TM4SF4: variants seen among roughly 807,000 people sequenced by gnomAD.
TM4SF4 encodes the protein transmembrane 4 L6 family member 4.
Under a neutral mutation model 24.1 loss-of-function variants are expected in TM4SF4, and 24 were observed. The ratio of observed to expected loss-of-function variants is 1.00; its 90% CI spans 0.72 to 1.40. The LOEUF is 1.40. TM4SF4 is among the 40% of genes most tolerant of loss of function. TM4SF4 has a pLI of 0.00. For synonymous variants in TM4SF4, 113 were observed against 97.0 expected, an observed-to-expected ratio of 1.17 and a Z score of -0.97; for missense variants, 254 against 254.2, an observed-to-expected ratio of 1.00 and a Z score of 0.01.
intron 3 of TM4SF4, among the ~76,000 whole-genome samples, chr3:149,489,503 C>T (rs1734175415): frequency 6.6e-6 from 1 of 152,182 alleles, no homozygotes; most frequent in Admixed American, 6.5e-5. Context: ...CATACAATGG[C>T]CTCACATGTT....
Position 149,490,106 on chromosome 3 carries a change from A to T in TM4SF4, c.401+2351A>T, listed in dbSNP as rs545469404. Among the ~76,000 whole-genome samples the T allele has an allele frequency of 7.2e-5, 11 of 152,368 alleles. No homozygotes were observed. The East Asian group carries it at 1.9e-3, about 27-fold the overall frequency. On this transcript the variant is annotated intron_variant, in intron 3 of 4. Coordinates refer to ENST00000305354, the MANE Select transcript of TM4SF4 (RefSeq NM_004617.4). ...TTTAATTTAATCCCTTGTAAGATGT[A>T]AGACTGCTCTTTGTGCAAGGTATAA...
intron 3 of TM4SF4, among the ~76,000 whole-genome samples, chr3:149,491,295 C>CAA (rs34935957): frequency 5.6e-5 from 7 of 125,718 alleles, no homozygotes; most frequent in African/African-American, 1.6e-4. Context: ...CGCCCCTCTA[C>CAA]AAAAAAAAAA....
intron 2 of TM4SF4, 67 bp downstream of exon 2, chr3:149,475,979 C>T (rs555810341): frequency 8.0e-6 from 11 of 1,378,146 alleles, no homozygotes; most frequent in Middle Eastern, 1.8e-4. Context: ...TGCTGGGCAG[C>T]ATGGGGATGG....
intron 3 of TM4SF4, among the ~76,000 whole-genome samples, chr3:149,490,513 A>C (rs1293407741): frequency 6.6e-6 from 1 of 152,184 alleles, no homozygotes; most frequent in Non-Finnish European, 1.5e-5. Flanking sequence ...TGCCAAGAGG[A>C]ATACAGTTTC....
rs59123868 is a variant in TM4SF4, at chr3:149,501,046, G to GAGAA, written c.592-1616_592-1613dup. ...CAAAAAAAAAAAAAAAAGAGAGAGA[G>GAGAA]AGAAAGAAAGAAAGAAAATATGATT... On this transcript the variant is annotated intron_variant, in intron 4 of 4. Transcript: ENST00000305354. Among the ~76,000 whole-genome samples, 49 of 147,502 alleles carry GAGAA rather than the reference G, an allele frequency of 3.3e-4. No homozygotes were observed. In the East Asian group the frequency reaches 4.0e-3, roughly 12 times the overall value.
chr3:149,475,090 T>TC (rs968063133), intron 1 of TM4SF4, 39 bp downstream of exon 1: 2 of 1,579,818 alleles, frequency 1.3e-6, no homozygotes, highest in Non-Finnish European at 1.7e-6. Flanking sequence ...AGGGAGATTT[T>TC]CCCTTCCCCA....
chr3:149,474,874 C>T lies in TM4SF4; in HGVS notation c.-4C>T. 6.2e-7 allele frequency: 1 copy of T among 1,610,928 alleles called. No individual in the cohort carries two copies. Among genetic ancestry groups the T allele is most frequent in the Non-Finnish European group, 8.5e-7 (1 of 1,178,792 alleles). ...ATTGCTGACCTGTGTCGTACCACCC[C>T]AGAATGTGCACTGGGGGCTGTGCCA... is the stretch of plus-strand genomic sequence containing the variant. On this transcript the variant is annotated 5_prime_UTR_variant, in exon 1 of 5. Coordinates refer to ENST00000305354, the MANE Select transcript of TM4SF4 (RefSeq NM_004617.4).
intron 1 of TM4SF4, 35 bp from the exon 2 acceptor site, chr3:149,475,788 C>T (rs1327191134): frequency 1.9e-6 from 3 of 1,569,152 alleles, no homozygotes; most frequent in Admixed American, 3.7e-5. Flanking sequence ...CCTTCAACTC[C>T]TGGACTCTCT....
chr3:149,498,991 G>A, intron 4 of TM4SF4, 80 bp downstream of exon 4: 1 of 1,476,044 alleles, frequency 6.8e-7, no homozygotes, highest in South Asian at 1.2e-5. Context: ...GCCAGGTCAG[G>A]CCACCAGCAC....
At chr3:149,494,163 C>T (rs533959137) in intron 3 of TM4SF4, among the ~76,000 whole-genome samples, 49 of 152,288 alleles carry the variant, frequency 3.2e-4, no homozygotes, top group Non-Finnish European at 6.5e-4. Flanking sequence ...TCAAACTGAA[C>T]GTGAACACAG....
At chr3:149,493,030 A>G (rs1179399899) in intron 3 of TM4SF4, among the ~76,000 whole-genome samples, 1 of 152,252 alleles carries the variant, frequency 6.6e-6, no homozygotes, top group Non-Finnish European at 1.5e-5. Flanking sequence ...AGTAACAGCA[A>G]CATCCACCTC....
chr3:149,474,950 A>G lies in TM4SF4; in HGVS notation c.73A>G (p.Asn25Asp). The G allele has an allele frequency of 6.2e-7, 1 of 1,613,908 alleles. No homozygotes were observed. Among genetic ancestry groups the G allele is most frequent in the Non-Finnish European group, 8.5e-7 (1 of 1,179,874 alleles). Residue 25 changes from asparagine (N) to aspartate (D), a missense_variant, in exon 1 of 5, where the codon AAC (asparagine) becomes GAC (aspartate). Coordinates refer to ENST00000305354, the MANE Select transcript of TM4SF4 (RefSeq NM_004617.4). ...IPLAFFGFLANILLFFPGGKV... is the reference protein window; with the variant it reads ...IPLAFFGFLADILLFFPGGKV... ...CCTTGCTTTTTTTGGCTTCCTGGCT[A>G]ACATCCTGTTATTTTTTCCTGGAGG...
At chr3:149,497,699 C>T (rs1471314556) in intron 3 of TM4SF4, among the ~76,000 whole-genome samples, 1 of 152,004 alleles carries the variant, frequency 6.6e-6, no homozygotes, top group African/African-American at 2.4e-5. Context: ...GGCTGGAGTG[C>T]AATGGCATGA....
At chr3:149,501,472 T>A (rs1441800711) in intron 4 of TM4SF4, among the ~76,000 whole-genome samples, 2 of 152,208 alleles carry the variant, frequency 1.3e-5, no homozygotes, top group Admixed American at 6.5e-5. Context: ...GTTCACAAAA[T>A]TCTTAATATT....
chr3:149,494,988 T>G, intron 3 of TM4SF4: 1 of 209,076 alleles, frequency 4.8e-6, no homozygotes. Flanking sequence ...GCTATCCTGA[T>G]TGTTGCTGTT....
intron 4 of TM4SF4, among the ~76,000 whole-genome samples, chr3:149,501,571 G>T (rs1169313921): frequency 6.6e-6 from 1 of 152,210 alleles, no homozygotes; most frequent in Non-Finnish European, 1.5e-5. Flanking sequence ...CACAAGAGCT[G>T]CAGTTTTAAA....
chr3:149,487,268 T>C (rs1734133996), intron 2 of TM4SF4, among the ~76,000 whole-genome samples: 1 of 152,140 alleles, frequency 6.6e-6, no homozygotes, highest in African/African-American at 2.4e-5. Context: ...AAAAAAAGAT[T>C]ACGCCAATCC....
intron 3 of TM4SF4, among the ~76,000 whole-genome samples, chr3:149,494,009 G>A (rs1375532443): frequency 6.6e-6 from 1 of 152,208 alleles, no homozygotes; most frequent in East Asian, 1.9e-4. Context: ...TACAGCTCAG[G>A]TGGAAATACC....
At chr3:149,500,404 C>T (rs1734396230) in intron 4 of TM4SF4, among the ~76,000 whole-genome samples, 1 of 151,602 alleles carries the variant, frequency 6.6e-6, no homozygotes, top group Admixed American at 6.6e-5. Context: ...TAAATAAGTC[C>T]CCCAAATCAG....
Sources: allele counts gnomAD v4.1 joint callset (sites outside exome capture counted in the v4.1 genomes callset), GRCh38; gene constraint gnomAD v4.1.1; transcripts MANE v1.5; gene names NCBI Gene and HGNC (gene_info 2026-07-23, HGNC 2026-07-21).